Variants in KDM4C observed in about 807,000 individuals in gnomAD.
The protein encoded by KDM4C is lysine demethylase 4C, also known as lysine-specific demethylase 4C.
A neutral mutation model predicts 129.3 loss-of-function variants in KDM4C; 81 were observed. That is an observed-to-expected ratio of 0.63 (90% CI 0.52 to 0.75). The LOEUF (loss-of-function observed/expected upper bound fraction) is 0.75. KDM4C is among the 30% of genes least tolerant of loss of function. The pLI is 0.00. For synonymous variants in KDM4C, 573 were observed against 456.1 expected, an observed-to-expected ratio of 1.26 and a Z score of -3.26; for missense variants, 1,457 against 1,304.0, an observed-to-expected ratio of 1.12 and a Z score of -1.81.
intron 1 of KDM4C, among the ~76,000 whole-genome samples, chr9:6,768,103 G>A (rs1002393479): frequency 1.3e-5 from 2 of 152,018 alleles, no homozygotes; most frequent in Non-Finnish European, 2.9e-5. Context: ...TTCCCTTTTA[G>A]GGAATATGAA....
chr9:6,736,388 G>T (rs536021406), intron 1 of KDM4C, among the ~76,000 whole-genome samples: 1 of 152,258 alleles, frequency 6.6e-6, no homozygotes, highest in Non-Finnish European at 1.5e-5. Context: ...TCCCATCACA[G>T]GTCCAGAGGC....
intron 1 of KDM4C, among the ~76,000 whole-genome samples, chr9:6,734,174 A>T (rs547257357): frequency 6.6e-6 from 1 of 152,128 alleles, no homozygotes; most frequent in Non-Finnish European, 1.5e-5. Flanking sequence ...AAGGCACCTT[A>T]ATTTAGTGAT....
chr9:7,038,021 G>C (rs957885290), intron 15 of KDM4C, among the ~76,000 whole-genome samples: 1 of 152,014 alleles, frequency 6.6e-6, no homozygotes, highest in East Asian at 1.9e-4. Context: ...GTTCTGTAAG[G>C]ATGAACAGTT....
At chr9:6,904,569 G>C (rs1445765607) in intron 8 of KDM4C, among the ~76,000 whole-genome samples, 1 of 152,168 alleles carries the variant, frequency 6.6e-6, no homozygotes, top group African/African-American at 2.4e-5. Flanking sequence ...GCTTGTGCTT[G>C]GTGCACGGGT....
At chr9:6,726,916 G>A (rs902108577) in intron 1 of KDM4C, 2 of 151,956 alleles carry the variant, frequency 1.3e-5, no homozygotes, top group African/African-American at 4.8e-5. Context: ...TGTATTTTTA[G>A]TAGAGATAGG....
intron 1 of KDM4C, among the ~76,000 whole-genome samples, chr9:6,771,751 C>G (rs984352943): frequency 2.6e-5 from 4 of 152,220 alleles, no homozygotes; most frequent in African/African-American, 9.6e-5. Flanking sequence ...CTGGAAAGCG[C>G]TGGTCCAGGC....
chr9:6,910,667 C>T (rs140558651), intron 8 of KDM4C, among the ~76,000 whole-genome samples: 1 of 152,186 alleles, frequency 6.6e-6, no homozygotes, highest in East Asian at 1.9e-4. Flanking sequence ...TGCCAAGGCA[C>T]CAGCCTTAGA....
At chr9:6,968,606 T>TA (rs1285457219) in intron 8 of KDM4C, among the ~76,000 whole-genome samples, 1 of 152,208 alleles carries the variant, frequency 6.6e-6, no homozygotes, top group Admixed American at 6.5e-5. Flanking sequence ...CCTTCTGCGT[T>TA]ATAAGTTTAC....
At chr9:6,936,817 C>G (rs1031184771) in intron 8 of KDM4C, among the ~76,000 whole-genome samples, 3 of 152,182 alleles carry the variant, frequency 2.0e-5, no homozygotes, top group African/African-American at 7.2e-5. Flanking sequence ...AGTAACTTAT[C>G]TCCTCTGTGC....
intron 19 of KDM4C, among the ~76,000 whole-genome samples, chr9:7,134,688 A>G (rs941481820): frequency 6.6e-6 from 1 of 152,254 alleles, no homozygotes; most frequent in African/African-American, 2.4e-5. Context: ...AGATCGATAG[A>G]TAAGTAGATA....
At chr9:6,870,776 A>G (rs966962225) in intron 5 of KDM4C, among the ~76,000 whole-genome samples, 3 of 151,908 alleles carry the variant, frequency 2.0e-5, no homozygotes, top group Non-Finnish European at 4.4e-5. Flanking sequence ...AACAGCAACA[A>G]CAAGCAGAAA....
chr9:6,999,953 A>T (rs2792241), intron 12 of KDM4C, among the ~76,000 whole-genome samples: 28,351 of 152,206 alleles, frequency 0.19, 2,633 homozygotes, highest in Admixed American at 0.22. Context: ...TTTCATAATA[A>T]GCACATTTAT....
chr9:7,154,090 A>G (rs1003665883), intron 19 of KDM4C, among the ~76,000 whole-genome samples: 1 of 152,106 alleles, frequency 6.6e-6, no homozygotes, highest in African/African-American at 2.4e-5. Context: ...TGGGGAAGGG[A>G]GTGTCTGGCA....
At chr9:6,803,327 C>T (rs1486648475) in intron 2 of KDM4C, among the ~76,000 whole-genome samples, 1 of 152,126 alleles carries the variant, frequency 6.6e-6, no homozygotes, top group Non-Finnish European at 1.5e-5. Context: ...AATCCCAACA[C>T]TTTGGGAGGC....
intron 8 of KDM4C, among the ~76,000 whole-genome samples, chr9:6,931,603 C>T (rs531047850): frequency 3.7e-4 from 56 of 152,096 alleles, no homozygotes; most frequent in Non-Finnish European, 6.3e-4. Flanking sequence ...CAAGCTCAAT[C>T]AGTCCTTCCA....
chr9:7,033,075 T>A (rs1827050214), intron 15 of KDM4C, among the ~76,000 whole-genome samples: 1 of 152,032 alleles, frequency 6.6e-6, no homozygotes, highest in Non-Finnish European at 1.5e-5. Context: ...GATTTTGAGA[T>A]CAGATTGGCT....
intron 18 of KDM4C, among the ~76,000 whole-genome samples, chr9:7,110,598 G>T (rs969456657): frequency 2.0e-5 from 3 of 152,136 alleles, no homozygotes; most frequent in African/African-American, 7.2e-5. Flanking sequence ...TACGCGCTTG[G>T]ATCCACAGCC....
upstream of KDM4C, among the ~76,000 whole-genome samples, chr9:6,756,298 A>C (rs951967801): frequency 6.6e-6 from 1 of 152,234 alleles, no homozygotes; most frequent in Non-Finnish European, 1.5e-5. Context: ...TACTGTTCTA[A>C]GTAAGTGTTA....
intron 18 of KDM4C, among the ~76,000 whole-genome samples, chr9:7,120,689 G>A (rs111999238): frequency 0.016 from 2,480 of 152,210 alleles, 78 homozygotes; most frequent in African/African-American, 0.056. Flanking sequence ...CCTTAAATAT[G>A]AGATGTAGGT....
Sources: allele counts gnomAD v4.1 joint callset (sites outside exome capture counted in the v4.1 genomes callset), GRCh38; gene constraint gnomAD v4.1.1; transcripts MANE v1.5; gene names NCBI Gene and HGNC (gene_info 2026-07-23, HGNC 2026-07-21).